The following HEMK2 variants were observed in gnomAD, a reference collection of about 807,000 sequenced individuals.
The protein encoded by HEMK2 is methyltransferase HEMK2.
chr21:28,838,270 C>T, the HEMK2 span, among the ~76,000 whole-genome samples: 4 of 152,162 alleles, frequency 2.6e-5, no homozygotes, highest in Admixed American at 1.3e-4. Context: ...TGCGGTGGCT[C>T]ACACCTGTAA....
At chr21:28,802,795 T>C in the HEMK2 span, among the ~76,000 whole-genome samples, 1 of 152,192 alleles carries the variant, frequency 6.6e-6, no homozygotes, top group African/African-American at 2.4e-5. Context: ...TTTAATAATT[T>C]TAGCATTTTG....
chr21:28,855,402 A>G, the HEMK2 span, among the ~76,000 whole-genome samples: 1 of 152,208 alleles, frequency 6.6e-6, no homozygotes, highest in Non-Finnish European at 1.5e-5. Context: ...ACTCCCACAC[A>G]ATAATAGTGG....
At chr21:28,717,036 AT>A in the HEMK2 span, among the ~76,000 whole-genome samples, 2 of 152,018 alleles carry the variant, frequency 1.3e-5, no homozygotes, top group African/African-American at 4.8e-5. Flanking sequence ...TTTGTTGAGG[AT>A]TTTTGCATCT....
At chr21:28,723,845 C>T in the HEMK2 span, among the ~76,000 whole-genome samples, 4 of 152,204 alleles carry the variant, frequency 2.6e-5, no homozygotes, top group African/African-American at 4.8e-5. Flanking sequence ...TATGAAGATA[C>T]GCAGCCAGCA....
chr21:28,711,151 T>G, the HEMK2 span, among the ~76,000 whole-genome samples: 1 of 152,154 alleles, frequency 6.6e-6, no homozygotes, highest in Non-Finnish European at 1.5e-5. Context: ...AAAATCCAAG[T>G]CCCTACCTCC....
At chr21:28,594,715 ATC>A in the HEMK2 span, among the ~76,000 whole-genome samples, 7 of 152,286 alleles carry the variant, frequency 4.6e-5, no homozygotes, top group East Asian at 1.2e-3. Flanking sequence ...TTAAATCTAA[ATC>A]TCTTTTTCCT....
At chr21:28,753,140 T>C in the HEMK2 span, among the ~76,000 whole-genome samples, 1 of 152,052 alleles carries the variant, frequency 6.6e-6, no homozygotes, top group Non-Finnish European at 1.5e-5. Context: ...GTGAAGCACT[T>C]AAGGTCAGGA....
At chr21:28,650,221 C>G in the HEMK2 span, among the ~76,000 whole-genome samples, 1 of 152,076 alleles carries the variant, frequency 6.6e-6, no homozygotes, top group Non-Finnish European at 1.5e-5. Flanking sequence ...ATAGTGAAAC[C>G]CCGTCTCTAC....
the HEMK2 span, among the ~76,000 whole-genome samples, chr21:28,600,522 G>C: frequency 6.6e-6 from 1 of 152,174 alleles, no homozygotes; most frequent in African/African-American, 2.4e-5. Flanking sequence ...AAGCCCCTGG[G>C]CCTGTGATGA....
chr21:28,630,356 C>T, the HEMK2 span, among the ~76,000 whole-genome samples: 7 of 152,064 alleles, frequency 4.6e-5, no homozygotes, highest in Admixed American at 2.6e-4. Context: ...TCAACCATTG[C>T]GGAAGTCAGT....
chr21:28,756,999 T>C, the HEMK2 span, among the ~76,000 whole-genome samples: 1 of 152,240 alleles, frequency 6.6e-6, no homozygotes, highest in African/African-American at 2.4e-5. Flanking sequence ...CATCATGTTG[T>C]ACATGGAATA....
chr21:28,699,616 G>A, the HEMK2 span, among the ~76,000 whole-genome samples: 11 of 152,160 alleles, frequency 7.2e-5, no homozygotes, highest in East Asian at 1.3e-3. Context: ...ACTTTAGTTC[G>A]ATTTAAGATT....
chr21:28,819,085 A>T, the HEMK2 span, among the ~76,000 whole-genome samples: 1 of 152,334 alleles, frequency 6.6e-6, no homozygotes, highest in African/African-American at 2.4e-5. Context: ...ACCCTCAGTT[A>T]GTGAATACTC....
chr21:28,648,138 T>A, the HEMK2 span, among the ~76,000 whole-genome samples: 1 of 152,238 alleles, frequency 6.6e-6, no homozygotes, highest in Admixed American at 6.5e-5. Flanking sequence ...CTGGAAAATG[T>A]TAGGAACTTG....
the HEMK2 span, among the ~76,000 whole-genome samples, chr21:28,795,855 G>A: frequency 1.5e-3 from 221 of 152,280 alleles, 1 homozygote; most frequent in Non-Finnish European, 2.6e-3. Flanking sequence ...ATCCTAAAGT[G>A]ATATTGAAGG....
At chr21:28,579,256 A>G in the HEMK2 span, among the ~76,000 whole-genome samples, 35 of 152,318 alleles carry the variant, frequency 2.3e-4, no homozygotes, top group African/African-American at 7.9e-4. Flanking sequence ...TAGACTATTA[A>G]CCAATTTTGA....
At chr21:28,809,891 G>A in the HEMK2 span, among the ~76,000 whole-genome samples, 8 of 152,158 alleles carry the variant, frequency 5.3e-5, no homozygotes, top group East Asian at 5.8e-4. Flanking sequence ...CAAGGAATGA[G>A]TAGCAGTTGA....
chr21:28,632,059 G>A, the HEMK2 span, among the ~76,000 whole-genome samples: 2 of 152,208 alleles, frequency 1.3e-5, no homozygotes. Flanking sequence ...TAGTCAGCTT[G>A]CTGTGGTAAC....
the HEMK2 span, among the ~76,000 whole-genome samples, chr21:28,733,050 C>T: frequency 2.1e-4 from 32 of 152,160 alleles, no homozygotes; most frequent in African/African-American, 5.5e-4. Flanking sequence ...GAGGCTGAGG[C>T]GGGTGGATCA....
Sources: gnomAD v4.1 joint callset for allele counts (sites outside exome capture counted in the v4.1 genomes callset) on GRCh38, gnomAD v4.1.1 for gene constraint, MANE v1.5 for transcripts, NCBI Gene and HGNC (gene_info 2026-07-23, HGNC 2026-07-21) for gene names.